RBMS3: variants seen among roughly 807,000 people sequenced by gnomAD.
The protein encoded by RBMS3 is RNA-binding motif, single-stranded-interacting protein 3.
A neutral mutation model predicts 66.8 loss-of-function variants in RBMS3; 27 were observed. The ratio of observed to expected loss-of-function variants is 0.40; its 90% CI spans 0.30 to 0.56. The LOEUF is 0.56. Ranked by LOEUF, RBMS3 falls within the 20% of genes least tolerant of loss-of-function variation. The pLI, the probability that RBMS3 is intolerant of heterozygous loss-of-function variation, is 0.40. For missense variants in RBMS3, 513 were observed against 549.5 expected, an observed-to-expected ratio of 0.93 and a Z score of 0.66; for synonymous variants, 188 against 183.0, an observed-to-expected ratio of 1.03 and a Z score of -0.22.
rs1247740602 is a variant in RBMS3, at chr3:29,662,417, A to G, written c.399+75212A>G. On this transcript the variant is annotated intron_variant, in intron 4 of 14. Coordinates refer to ENST00000383767, the MANE Select transcript of RBMS3 (RefSeq NM_001003793.3). ...TTTCGAAAATTGAGCATCACCTTAT[A>G]TATGTTAACTCAGTCCATTTCAACT... is the stretch of plus-strand genomic sequence containing the variant. Among the ~76,000 whole-genome samples, 3 of 152,208 alleles carry G rather than the reference A, an allele frequency of 2.0e-5. No homozygotes were observed. In the East Asian group the frequency reaches 5.8e-4, roughly 29 times the overall value.
chr3:29,359,726 CTG>C (rs1318487625), intron 1 of RBMS3, among the ~76,000 whole-genome samples: 1 of 152,086 alleles, frequency 6.6e-6, no homozygotes, highest in Non-Finnish European at 1.5e-5. Context: ...ATTTCAGAGC[CTG>C]TTATTGGTCT....
intron 1 of RBMS3, among the ~76,000 whole-genome samples, chr3:29,414,666 T>G (rs17023449): frequency 0.074 from 11,281 of 152,132 alleles, 813 homozygotes; most frequent in African/African-American, 0.19. Context: ...TAATGTTAAA[T>G]CAGCCTCGCG....
chr3:29,431,597 C>T (rs922726808), intron 1 of RBMS3, among the ~76,000 whole-genome samples: 11 of 152,012 alleles, frequency 7.2e-5, no homozygotes, highest in African/African-American at 1.7e-4. Flanking sequence ...AGCCAAAAAA[C>T]GTTTATTTCA....
At chr3:29,831,035 A>G (rs2058357346) in intron 6 of RBMS3, among the ~76,000 whole-genome samples, 1 of 152,140 alleles carries the variant, frequency 6.6e-6, no homozygotes, top group Admixed American at 6.6e-5. Flanking sequence ...ATAAATGTTT[A>G]AGTATCTAGT....
intron 2 of RBMS3, among the ~76,000 whole-genome samples, chr3:29,482,824 C>A (rs1490799307): frequency 1.3e-5 from 2 of 149,518 alleles, no homozygotes; most frequent in African/African-American, 2.5e-5. Flanking sequence ...TCTCCTGCCT[C>A]AGCCTCCTGA....
intron 10 of RBMS3, among the ~76,000 whole-genome samples, chr3:29,908,767 AT>A (rs1459133421): frequency 2.0e-5 from 3 of 152,128 alleles, no homozygotes; most frequent in Non-Finnish European, 4.4e-5. Flanking sequence ...TGTGCATGAT[AT>A]TTTTCTAGAT....
chr3:29,299,727 G>A (rs1287565054), intron 1 of RBMS3, among the ~76,000 whole-genome samples: 3 of 151,842 alleles, frequency 2.0e-5, no homozygotes, highest in African/African-American at 7.3e-5. Context: ...ATATGCATAA[G>A]TTATATACAA....
intron 3 of RBMS3, among the ~76,000 whole-genome samples, chr3:29,546,731 T>C (rs1451711454): frequency 1.3e-5 from 2 of 152,160 alleles, no homozygotes; most frequent in Non-Finnish European, 2.9e-5. Context: ...CAGAAATTGC[T>C]ACTTAGGAAC....
At chr3:29,316,845 A>C (rs2034711303) in intron 1 of RBMS3, among the ~76,000 whole-genome samples, 1 of 151,660 alleles carries the variant, frequency 6.6e-6, no homozygotes, top group Non-Finnish European at 1.5e-5. Flanking sequence ...CGCACTCAAG[A>C]GACATTTGTT....
chr3:29,700,871 T>TG, intron 4 of RBMS3, among the ~76,000 whole-genome samples: 1 of 151,454 alleles, frequency 6.6e-6, no homozygotes, highest in Non-Finnish European at 1.5e-5. Context: ...TGTGTGTGTG[T>TG]TCGTGTGCAT....
intron 6 of RBMS3, among the ~76,000 whole-genome samples, chr3:29,849,976 A>T (rs1202899148): frequency 6.6e-6 from 1 of 152,224 alleles, no homozygotes; most frequent in African/African-American, 2.4e-5. Flanking sequence ...CTTTACAAAG[A>T]ATATGCCTAC....
chr3:29,995,195 G>A (rs1174461380), intron 14 of RBMS3, among the ~76,000 whole-genome samples: 10 of 151,644 alleles, frequency 6.6e-5, no homozygotes, highest in East Asian at 3.9e-4. Context: ...GAAATGAAGC[G>A]AGAAGGGAAG....
intron 3 of RBMS3, among the ~76,000 whole-genome samples, chr3:29,578,279 G>A (rs1046139525): frequency 2.0e-4 from 31 of 152,244 alleles, no homozygotes; most frequent in African/African-American, 7.5e-4. Context: ...GGGAAATTAC[G>A]TTTTACTGAA....
At chr3:29,702,519 G>A (rs1373721771) in intron 4 of RBMS3, among the ~76,000 whole-genome samples, 1 of 152,182 alleles carries the variant, frequency 6.6e-6, no homozygotes, top group Admixed American at 6.5e-5. Context: ...TTGTTCTTTT[G>A]CTCTTTGCAA....
chr3:29,345,136 G>A (rs1208891326), intron 1 of RBMS3, among the ~76,000 whole-genome samples: 1 of 152,220 alleles, frequency 6.6e-6, no homozygotes, highest in Non-Finnish European at 1.5e-5. Flanking sequence ...TATGGTGGAA[G>A]TGAGCTATTG....
At chr3:29,607,022 C>T (rs79858836) in intron 4 of RBMS3, among the ~76,000 whole-genome samples, 8 of 151,932 alleles carry the variant, frequency 5.3e-5, no homozygotes, top group Non-Finnish European at 1.0e-4. Context: ...GTTTGCTTCA[C>T]AGTTTCACTA....
In RBMS3 at chr3:29,800,597, G is replaced by T. The variant is rs149064066; in HGVS notation, c.637+37608G>T. 4.0e-3 allele frequency among the ~76,000 whole-genome samples: 612 copies of T among 152,230 alleles called. 2 individuals carry two copies. The highest frequency in any genetic ancestry group is 0.014 in the African/African-American group (567 of 41,554). On this transcript the variant is annotated intron_variant, in intron 6 of 14. Coordinates refer to ENST00000383767, the MANE Select transcript of RBMS3 (RefSeq NM_001003793.3). Reference sequence around the variant, plus strand: ...TTCAAAGGTTATGTACAAGAACTATGCTATTACACATATTTTTATATTAAT... The same window carrying T: ...TTCAAAGGTTATGTACAAGAACTATTCTATTACACATATTTTTATATTAAT...
At chr3:29,698,631 A>T (rs1285171705) in intron 4 of RBMS3, 3 of 983,662 alleles carry the variant, frequency 3.0e-6, no homozygotes, top group Non-Finnish European at 2.4e-6. Flanking sequence ...GAGTACAATC[A>T]TATATTGTTA....
intron 12 of RBMS3, among the ~76,000 whole-genome samples, chr3:29,982,911 T>C (rs1698092114): frequency 6.6e-6 from 1 of 152,228 alleles, no homozygotes; most frequent in Non-Finnish European, 1.5e-5. Flanking sequence ...GTTCTGTAGA[T>C]GTCTATTAGG....
Sources: gnomAD v4.1 joint callset for allele counts (sites outside exome capture counted in the v4.1 genomes callset) on GRCh38, gnomAD v4.1.1 for gene constraint, MANE v1.5 for transcripts, NCBI Gene and HGNC (gene_info 2026-07-23, HGNC 2026-07-21) for gene names.